CRAMP1: variants seen among roughly 807,000 people sequenced by gnomAD.
CRAMP1 encodes cramped chromatin regulator 1.
In CRAMP1, 50 loss-of-function variants were observed where a neutral mutation model predicts 115.4. That is an observed-to-expected ratio of 0.43 (90% CI 0.35 to 0.55). The LOEUF is 0.55. Among genes scored for constraint, CRAMP1 ranks in the 20% least tolerant of loss-of-function variants. CRAMP1 has a pLI of 0.01. For missense variants in CRAMP1, 1,679 were observed against 1,721.7 expected, an observed-to-expected ratio of 0.98 and a Z score of 0.44; for synonymous variants, 866 against 745.4, an observed-to-expected ratio of 1.16 and a Z score of -2.64.
chr16:1,665,673 C>T (rs1596498030), intron 14 of CRAMP1: 1 of 228,514 alleles, frequency 4.4e-6, no homozygotes, highest in East Asian at 1.1e-4. Context: ...CTCTTGCCTA[C>T]TTGTCAATTT....
At chr16:1,620,694 G>A (rs181701137) in intron 2 of CRAMP1, 20 of 456,628 alleles carry the variant, frequency 4.4e-5, no homozygotes, top group South Asian at 2.9e-4. Context: ...GCCTTTCGGT[G>A]AGTCATTTAA....
chr16:1,660,990 C>T (rs1490028464), intron 11 of CRAMP1, among the ~76,000 whole-genome samples: 3 of 151,570 alleles, frequency 2.0e-5, no homozygotes, highest in Non-Finnish European at 2.9e-5. Flanking sequence ...GCTCGGGCAA[C>T]GGAGCGAGAC....
intron 6 of CRAMP1, among the ~76,000 whole-genome samples, chr16:1,649,926 TG>T (rs2142193289): frequency 1.3e-5 from 2 of 151,940 alleles, no homozygotes; most frequent in East Asian, 3.9e-4. Context: ...CCCGAGTAGC[TG>T]GGAGTACAGG....
At chr16:1,633,992 C>T (rs967844541) in intron 4 of CRAMP1, among the ~76,000 whole-genome samples, 4 of 151,466 alleles carry the variant, frequency 2.6e-5, no homozygotes, top group Non-Finnish European at 5.9e-5. Flanking sequence ...TGCACCACTG[C>T]ACTCCAGCTT....
intron 6 of CRAMP1, among the ~76,000 whole-genome samples, chr16:1,641,820 A>G (rs971020294): frequency 2.7e-5 from 4 of 150,014 alleles, no homozygotes; most frequent in Middle Eastern, 3.5e-3. Flanking sequence ...GAAGGTCCCC[A>G]CGCCACAGCC....
chr16:1,628,401 C>T (rs1435832043), intron 3 of CRAMP1, among the ~76,000 whole-genome samples: 1 of 152,132 alleles, frequency 6.6e-6, no homozygotes, highest in Non-Finnish European at 1.5e-5. Context: ...TCACAGGTGC[C>T]CGCCACCACA....
rs1029697669 is a variant in CRAMP1, at chr16:1,623,041, C to T, written c.347-2932C>T. 2.0e-5 allele frequency among the ~76,000 whole-genome samples: 3 copies of T among 151,550 alleles called. 1 individual carries two copies. The highest frequency in any genetic ancestry group is 4.2e-4 in the South Asian group (2 of 4,784). The stretch of plus-strand genomic sequence containing the variant: ...CTCCCAAAGTAGCTGTGATTACAGG[C>T]GCCCACCACCACGCCCGGTTAATTT... On this transcript the variant is annotated intron_variant, in intron 2 of 20. Coordinates refer to ENST00000397412, the MANE Select transcript of CRAMP1 (RefSeq NM_020825.4).
At position 1,656,092 on chromosome 16, in the gene CRAMP1, C is replaced by T; in HGVS notation, c.1335C>T (p.Ala445=). 1.2e-6 allele frequency: 2 copies of T among 1,609,972 alleles called. No individual in the cohort carries two copies. The highest frequency in any genetic ancestry group is 1.7e-6 in the Non-Finnish European group (2 of 1,178,858). ...AGGACGCCCACGTGCTGCCCCCAGC[C>T]CAGATCCTGGGCATCCAGAGTGGGC... ...SAKDAHVLPP[A]QILGIQSGQG... Residue 445 remains alanine, a synonymous_variant, in exon 10 of 21, where the codon GCC becomes GCT. Coordinates refer to ENST00000397412, the MANE Select transcript of CRAMP1 (RefSeq NM_020825.4). The surrounding 1 kb of genome is among the most constrained non-coding windows in gnomAD (Gnocchi z 5.6).
rs2272894 is a variant in CRAMP1, at chr16:1,670,983, C to T, written c.3645+174C>T. 8.7e-4 allele frequency among the ~76,000 whole-genome samples: 132 copies of T among 152,208 alleles called. No homozygotes were observed. The East Asian group carries it at 0.012, about 14-fold the overall frequency. On this transcript the variant is annotated intron_variant, in intron 20 of 20. Coordinates refer to ENST00000397412, the MANE Select transcript of CRAMP1 (RefSeq NM_020825.4). The stretch of plus-strand genomic sequence containing the variant: ...TACTGAGAATGGAGAGATCTGGGGA[C>T]GCTGGGCCGGCTCTCGTCCCCACAT...
intron 3 of CRAMP1, among the ~76,000 whole-genome samples, chr16:1,627,069 T>C (rs1408022803): frequency 6.6e-6 from 1 of 152,198 alleles, no homozygotes; most frequent in East Asian, 1.9e-4. Flanking sequence ...GTGGTGAACA[T>C]CGGTGTGCAC....
In CRAMP1 at chr16:1,614,230, G is replaced by A. The variant is rs1363163140; in HGVS notation, c.-1-409G>A. On this transcript the variant is annotated intron_variant, in intron 1 of 20. Transcript: ENST00000397412. This position sits in a 1 kb window ranked among gnomAD's most constrained non-coding sequence, Gnocchi z 4.4. Reference sequence around the variant, plus strand: ...CCAGGCCATGAGCCGCGGCCCCGCCGGGTAGGTGGCTGTGGGCGGGGCAGC... The same window carrying A: ...CCAGGCCATGAGCCGCGGCCCCGCCAGGTAGGTGGCTGTGGGCGGGGCAGC... 2.7e-5 allele frequency among the ~76,000 whole-genome samples: 4 copies of A among 147,604 alleles called. No individual in the cohort carries two copies. Among genetic ancestry groups the A allele is most frequent in the Non-Finnish European group, 6.0e-5 (4 of 66,204 alleles).
In CRAMP1 at chr16:1,675,393, C is replaced by T. The variant is rs1425061941; in HGVS notation, c.*1348C>T. On this transcript the variant is annotated 3_prime_UTR_variant, in exon 21 of 21. Transcript: ENST00000397412. The stretch of plus-strand genomic sequence containing the variant: ...CTCCCTTCCTGCCTCATTTCATCCC[C>T]CGCAGCAGCCGGGATTGATTGTGCT... 1 of 152,550 alleles carries T rather than the reference C, an allele frequency of 6.6e-6. No homozygotes were observed. The highest frequency in any genetic ancestry group is 1.5e-5 in the Non-Finnish European group (1 of 68,254). 9.4% of individuals were successfully genotyped at this position (152,550 alleles called of 1,614,324 possible). A position where few individuals can be genotyped will look rare whatever the true frequency, so the allele number is the denominator to read the frequency against.
intron 10 of CRAMP1, among the ~76,000 whole-genome samples, chr16:1,657,366 C>T (rs935570609): frequency 1.3e-5 from 2 of 152,198 alleles, no homozygotes; most frequent in South Asian, 2.1e-4. Flanking sequence ...TGAGCCGCCT[C>T]GTGTTCCTGG....
At position 1,614,844 on chromosome 16, in the gene CRAMP1, C is replaced by A; in HGVS notation, c.205C>A (p.Pro69Thr). 1.6e-6 allele frequency: 2 copies of A among 1,282,654 alleles called. No individual in the cohort carries two copies. Among genetic ancestry groups the A allele is most frequent in the Non-Finnish European group, 9.8e-7 (1 of 1,019,118 alleles). 79.5% of individuals were successfully genotyped at this position (1,282,654 alleles called of 1,614,324 possible). Residue 69 changes from proline to threonine, a missense_variant, in exon 2 of 21, where the codon CCG becomes ACG. Coordinates refer to ENST00000397412, the MANE Select transcript of CRAMP1 (RefSeq NM_020825.4). This position sits in a 1 kb window ranked among gnomAD's most constrained non-coding sequence, Gnocchi z 4.4. ...CGCGCCCCCCGGCGCGCCGCAGGCG[C>A]CGTCCCCGCCGCAGGGCAGCCCCCA... Reference protein sequence around the residue: ...PPAPPGAPQAPSPPQGSPQDQ... With the variant: ...PPAPPGAPQATSPPQGSPQDQ...
Position 1,674,139 on chromosome 16 carries a change from C to T in CRAMP1, c.*94C>T. On this transcript the variant is annotated 3_prime_UTR_variant, in exon 21 of 21. Transcript: ENST00000397412. ...GAAGATGGTCTGAACAGAGGCATCT[C>T]CGCACCCAAGACTGTGCAACGGGCA... 1.6e-6 allele frequency: 2 copies of T among 1,278,476 alleles called. No individual in the cohort carries two copies. Among genetic ancestry groups the T allele is most frequent in the Non-Finnish European group, 2.2e-6 (2 of 925,492 alleles). The allele number at this position is 1,278,476 out of a possible 1,614,324, so 79.2% of individuals were successfully genotyped here.
rs546598437 is a variant in CRAMP1, at chr16:1,677,660, T to G, written c.*3615T>G. The G allele has an allele frequency of 5.9e-5, 9 of 152,760 alleles. No homozygotes were observed. Among genetic ancestry groups the G allele is most frequent in the African/African-American group, 2.2e-4 (9 of 41,562 alleles). The allele number at this position is 152,760 out of a possible 1,614,324, so 9.5% of individuals were successfully genotyped here. ...AAGCCATAGCGAGGCCTCCGCTCGT[T>G]TCAGATATGAATTTGTTTTATAGAT... On this transcript the variant is annotated 3_prime_UTR_variant, in exon 21 of 21. Transcript: ENST00000397412.
At position 1,673,944 on chromosome 16, in the gene CRAMP1, A is replaced by C. The variant is rs774732375; in HGVS notation, c.3709A>C (p.Asn1237His). 1.9e-6 allele frequency: 3 copies of C among 1,613,750 alleles called. 1 individual carries two copies. The South Asian group carries it at 3.3e-5, about 18-fold the overall frequency. Residue 1237 changes from asparagine (N) to histidine (H), a missense_variant, in exon 21 of 21, where the codon AAT (asparagine) becomes CAT (histidine). Physicochemically the swap from Asn to His is moderately conservative, Grantham distance 68. Around this residue, in one of 8 missense-constraint regions of CRAMP1, gnomAD observed 709 missense variants for 741.9 expected, o/e 0.96. Coordinates refer to ENST00000397412, the MANE Select transcript of CRAMP1 (RefSeq NM_020825.4). ...ENSIDYISRFNDLAQELSIAE... is the reference protein window; with the variant it reads ...ENSIDYISRFHDLAQELSIAE... Reference sequence around the variant, plus strand: ...CAGCATTGATTACATTTCTCGGTTCAATGACCTGGCCCAAGAGCTGTCCAT... The same window carrying C: ...CAGCATTGATTACATTTCTCGGTTCCATGACCTGGCCCAAGAGCTGTCCAT...
At chr16:1,640,247 T>G (rs2036621023) in intron 5 of CRAMP1, among the ~76,000 whole-genome samples, 1 of 152,228 alleles carries the variant, frequency 6.6e-6, no homozygotes, top group Non-Finnish European at 1.5e-5. Flanking sequence ...TTCATCTTCA[T>G]TCTTAAAAGA....
intron 2 of CRAMP1, among the ~76,000 whole-genome samples, chr16:1,617,654 C>A (rs1273123158): frequency 4.6e-5 from 7 of 152,194 alleles, no homozygotes; most frequent in African/African-American, 1.7e-4. Context: ...GTTTCAATCT[C>A]AGTGGGCCTG....
Sources: gnomAD v4.1 joint callset for allele counts (sites outside exome capture counted in the v4.1 genomes callset) on GRCh38, gnomAD v4.1.1 for gene constraint, gnomAD v4.1.1 regional missense constraint, Gnocchi (gnomAD v3.1) non-coding constraint, MANE v1.5 for transcripts, NCBI Gene and HGNC (gene_info 2026-07-23, HGNC 2026-07-21) for gene names.